Variants in SCAND3 observed in about 807,000 individuals in gnomAD.
The protein encoded by SCAND3 is SCAN domain-containing protein 3.
At chr6:28,604,599 G>C in the SCAND3 span, among the ~76,000 whole-genome samples, 2 of 145,552 alleles carry the variant, frequency 1.4e-5, no homozygotes, top group Non-Finnish European at 3.0e-5. Context: ...GTGGCTGACC[G>C]AGCGAGACTC....
At chr6:28,579,556 TGAAGA>T in the SCAND3 span, 1 of 789,946 alleles carries the variant, frequency 1.3e-6, no homozygotes, top group Non-Finnish European at 2.0e-6. This position sits in a 1 kb window ranked among gnomAD's most constrained non-coding sequence, Gnocchi z 4.5. Flanking sequence ...AGATAAAACA[TGAAGA>T]GAAATGAAAA....
chr6:28,581,894 T>C, the SCAND3 span, among the ~76,000 whole-genome samples: 1 of 152,342 alleles, frequency 6.6e-6, no homozygotes, highest in East Asian at 1.9e-4. Context: ...GAATAGACAC[T>C]GGGTTGGCAG....
the SCAND3 span, chr6:28,575,324 G>A: frequency 6.2e-7 from 1 of 1,613,936 alleles, no homozygotes; most frequent in South Asian, 1.1e-5. This position sits in a 1 kb window ranked among gnomAD's most constrained non-coding sequence, Gnocchi z 4.2. Flanking sequence ...GACTTCCCAT[G>A]GACAATTTTC....
At chr6:28,576,215 G>T in the SCAND3 span, 1 of 1,116,636 alleles carries the variant, frequency 9.0e-7, no homozygotes, top group Non-Finnish European at 1.3e-6. Context: ...GGAGCCAGTA[G>T]TGCTTGAGGT....
the SCAND3 span, among the ~76,000 whole-genome samples, chr6:28,613,427 A>G: frequency 1.3e-5 from 2 of 152,364 alleles, no homozygotes; most frequent in South Asian, 4.1e-4. Context: ...TATTTCATAT[A>G]ACTTTTCCAC....
the SCAND3 span, chr6:28,573,245 C>T: frequency 3.7e-6 from 6 of 1,614,060 alleles, no homozygotes; most frequent in Non-Finnish European, 5.1e-6. Context: ...ATATCATTAG[C>T]CAGTTCCTGA....
chr6:28,573,647 C>T, the SCAND3 span: 1 of 1,612,516 alleles, frequency 6.2e-7, no homozygotes, highest in South Asian at 1.1e-5. Flanking sequence ...TCAATTACAG[C>T]TACAAAACCA....
chr6:28,583,331 G>A, the SCAND3 span, among the ~76,000 whole-genome samples: 188 of 152,168 alleles, frequency 1.2e-3, 1 homozygote, highest in African/African-American at 4.1e-3. Context: ...GCAGTGAGCC[G>A]AGATCGTGCC....
the SCAND3 span, chr6:28,579,472 A>G: frequency 5.4e-6 from 8 of 1,491,438 alleles, no homozygotes; most frequent in Non-Finnish European, 6.4e-6. This position sits in a 1 kb window ranked among gnomAD's most constrained non-coding sequence, Gnocchi z 4.5. Flanking sequence ...GTAGTTTGTC[A>G]TAGCTAAACT....
the SCAND3 span, among the ~76,000 whole-genome samples, chr6:28,610,973 G>C: frequency 6.6e-6 from 1 of 152,122 alleles, no homozygotes; most frequent in Non-Finnish European, 1.5e-5. Context: ...AATACACTAA[G>C]TATAATATTT....
At chr6:28,605,245 T>G in the SCAND3 span, among the ~76,000 whole-genome samples, 1 of 152,218 alleles carries the variant, frequency 6.6e-6, no homozygotes, top group Non-Finnish European at 1.5e-5. Flanking sequence ...TACCCTGACC[T>G]GGGCTCCAGG....
chr6:28,603,408 A>G, the SCAND3 span, among the ~76,000 whole-genome samples: 1 of 152,190 alleles, frequency 6.6e-6, no homozygotes. Flanking sequence ...GATGCTTGTT[A>G]ACATTCTAAT....
chr6:28,597,388 C>T, the SCAND3 span, among the ~76,000 whole-genome samples: 7 of 152,212 alleles, frequency 4.6e-5, no homozygotes, highest in African/African-American at 1.2e-4. Flanking sequence ...AATGGATTAG[C>T]AGTCCATCGC....
chr6:28,613,672 G>A, the SCAND3 span, among the ~76,000 whole-genome samples: 534 of 152,196 alleles, frequency 3.5e-3, 4 homozygotes, highest in African/African-American at 0.012. Context: ...AACACAAAGT[G>A]TACAAAATGA....
At chr6:28,598,729 T>TA in the SCAND3 span, among the ~76,000 whole-genome samples, 1 of 119,488 alleles carries the variant, frequency 8.4e-6, no homozygotes, top group Admixed American at 8.0e-5. Flanking sequence ...AAAATAAAAT[T>TA]AGCTGAGTGC....
At chr6:28,598,560 C>A in the SCAND3 span, among the ~76,000 whole-genome samples, 1 of 151,986 alleles carries the variant, frequency 6.6e-6, no homozygotes, top group Non-Finnish European at 1.5e-5. Context: ...ATGATTCAAA[C>A]AATTGTAGTT....
At chr6:28,596,004 T>C in the SCAND3 span, among the ~76,000 whole-genome samples, 1 of 152,220 alleles carries the variant, frequency 6.6e-6, no homozygotes, top group Non-Finnish European at 1.5e-5. Context: ...TCATTACTGG[T>C]TAAGAGTGTA....
chr6:28,594,972 C>T, the SCAND3 span, among the ~76,000 whole-genome samples: 1 of 151,764 alleles, frequency 6.6e-6, no homozygotes, highest in Non-Finnish European at 1.5e-5. Context: ...AGATCTATTG[C>T]ACAGTAGGGT....
chr6:28,574,662 T>C, the SCAND3 span: 7 of 1,613,400 alleles, frequency 4.3e-6, no homozygotes, highest in Middle Eastern at 1.7e-4. Flanking sequence ...CTACTTTGTC[T>C]GGTGAAAATG....
Sources: allele counts gnomAD v4.1 joint callset (sites outside exome capture counted in the v4.1 genomes callset), GRCh38; gene constraint gnomAD v4.1.1; non-coding constraint Gnocchi (gnomAD v3.1); transcripts MANE v1.5; gene names NCBI Gene and HGNC (gene_info 2026-07-23, HGNC 2026-07-21).